Variants in INTS11 observed in about 807,000 individuals in gnomAD.
INTS11 encodes integrator complex subunit 11.
In INTS11, 77 loss-of-function variants were observed where a neutral mutation model predicts 78.6. The observed-to-expected ratio is 0.98, with a 90% CI of 0.81 to 1.18. The LOEUF (loss-of-function observed/expected upper bound fraction) is 1.18. INTS11 is among the 50% of genes most tolerant of loss of function. The pLI, the probability that INTS11 is intolerant of heterozygous loss-of-function variation, is 0.00. For synonymous variants in INTS11, 441 were observed against 326.9 expected (o/e 1.35, Z -3.77); for missense variants, 875 against 825.9 (o/e 1.06, Z -0.73).
At chr1:1,317,915 G>C (rs1424355069) in intron 4 of INTS11, 2 of 152,052 alleles carry the variant, frequency 1.3e-5, no homozygotes, top group Non-Finnish European at 2.9e-5. Context: ...TCCCAGGCTG[G>C]AGTGCAGTGG....
rs1642377466 is a variant in INTS11 at position 1,313,567 on chromosome 1, A to C, written c.983T>G (p.Leu328Arg). The change falls in exon 10 of 17, where the codon CTG becomes CGG. Residue 328 changes from leucine to arginine, a missense_variant. Coordinates refer to ENST00000435064, the MANE Select transcript of INTS11 (RefSeq NM_017871.6). ...PMVVFATPGM[L>R]HAGQSLQIFR... ...GATCTGCAGGGACTGCCCAGCGTGC[A>C]GCATTCCTGGCGTGGCAAACACAAC... 1 of 1,612,960 alleles carries C rather than the reference A, an allele frequency of 6.2e-7. No homozygotes were observed. Among genetic ancestry groups the C allele is most frequent in the Non-Finnish European group, 8.5e-7 (1 of 1,180,004 alleles).
In INTS11 at chr1:1,311,899, G is replaced by A; in HGVS notation, c.1763C>T (p.Thr588Ile). Residue 588 changes from threonine (T) to isoleucine (I), a missense_variant, in exon 17 of 17, where the codon ACA becomes ATA. Thr to Ile is a moderately conservative substitution (Grantham distance 89). Transcript: ENST00000435064. ...GGGGAGGCCCTTCTTCAGCAGAGAT[G>A]TGAGGAAGCTCCCCAGCTCCTCGTC... ...YQDEELGSFL[T>I]SLLKKGLPQA... The A allele has an allele frequency of 1.3e-6, 2 of 1,573,952 alleles. No individual in the cohort carries two copies. The highest frequency in any genetic ancestry group is 1.4e-5 in the African/African-American group (1 of 73,450).
At chr1:1,320,746 G>T in intron 2 of INTS11, 1 of 716,304 alleles carries the variant, frequency 1.4e-6, no homozygotes, top group Non-Finnish European at 2.5e-6. Flanking sequence ...TGAGCTGGAA[G>T]CTGAGCCCAG....
At chr1:1,322,137 GGGAA>G (rs1226907118) in intron 1 of INTS11, among the ~76,000 whole-genome samples, 1 of 152,078 alleles carries the variant, frequency 6.6e-6, no homozygotes, top group Admixed American at 6.5e-5. Flanking sequence ...TGGCACCTGT[GGGAA>G]GGGAGGGCCG....
chr1:1,324,550 C>T (rs760648469), intron 1 of INTS11, 31 bp downstream of exon 1: 8 of 1,587,852 alleles, frequency 5.0e-6, no homozygotes, highest in Middle Eastern at 1.7e-4. Context: ...ACGGAGCCCA[C>T]CCCACAGCCC....
At chr1:1,315,910 G>A (rs1642576464) in intron 4 of INTS11, among the ~76,000 whole-genome samples, 1 of 152,122 alleles carries the variant, frequency 6.6e-6, no homozygotes, top group East Asian at 1.9e-4. Context: ...ACAGCATCCA[G>A]TTCACAAGGG....
intron 5 of INTS11, 28 bp from the exon 6 acceptor site, chr1:1,315,466 G>A (rs775990856): frequency 5.6e-6 from 9 of 1,612,988 alleles, no homozygotes; most frequent in Admixed American, 1.7e-5. Flanking sequence ...ATGCCATGAG[G>A]AGGGTGCCTC....
chr1:1,312,874 C>A lies in INTS11; in HGVS notation c.1207G>T (p.Gly403Cys). The A allele has an allele frequency of 2.5e-6, 4 of 1,612,504 alleles. No individual in the cohort carries two copies. Among genetic ancestry groups the A allele is most frequent in the Non-Finnish European group, 3.4e-6 (4 of 1,179,898 alleles). Residue 403 changes from glycine (G) to cysteine (C), a missense_variant, in exon 12 of 17, where the codon GGC (glycine) becomes TGC (cysteine). Coordinates refer to ENST00000435064, the MANE Select transcript of INTS11 (RefSeq NM_017871.6). ...AGCACGCTCTCCGGCTCTGCCTGGC[C>A]CACCAGCTGCATGATGCCCTTGGCG... ...ADAKGIMQLV[G>C]QAEPESVLLV...
In INTS11 at chr1:1,315,433, A is replaced by G. The variant is rs1288983394; in HGVS notation, c.534T>C (p.Asp178=). 4 of 1,612,850 alleles carry G rather than the reference A, an allele frequency of 2.5e-6. No individual in the cohort carries two copies. Among genetic ancestry groups the G allele is most frequent in the African/African-American group, 2.7e-5 (2 of 74,700 alleles). The change falls in exon 6 of 17, where the codon GAT becomes GAC. Residue 178 remains aspartate (D), a synonymous_variant. Transcript: ENST00000435064. ...VGSESVVYTG[D]YNMTPDRHLG... ...AGTGTCGGTCTGGGGTCATGTTATA[A>G]TCACCCTGGTGAACGATCAAGGATG...
chr1:1,321,996 A>G (rs1443836123), intron 1 of INTS11: 2 of 1,343,196 alleles, frequency 1.5e-6, no homozygotes, highest in African/African-American at 3.1e-5. Flanking sequence ...TGCCACAGAG[A>G]GGGGATCTCA....
intron 9 of INTS11, 37 bp from the exon 10 acceptor site, chr1:1,313,629 A>G: frequency 6.2e-7 from 1 of 1,611,982 alleles, no homozygotes; most frequent in Non-Finnish European, 8.5e-7. Flanking sequence ...GGGTCAGGGC[A>G]GCAGATGCCC....
intron 6 of INTS11, 133 bp downstream of exon 6, chr1:1,315,271 G>GCATTT: frequency 8.9e-7 from 1 of 1,121,368 alleles, no homozygotes; most frequent in Non-Finnish European, 1.3e-6. Flanking sequence ...CAGAACGAAG[G>GCATTT]GGGCTCTCCA....
Position 1,314,767 on chromosome 1 carries a change from CAGAA to C in INTS11, c.702+53_702+56del. 1 of 1,568,358 alleles carries C rather than the reference CAGAA, an allele frequency of 6.4e-7. No individual in the cohort carries two copies. Among genetic ancestry groups the C allele is most frequent in the Non-Finnish European group, 8.7e-7 (1 of 1,150,580 alleles). On this transcript the variant is annotated intron_variant, in intron 7 of 16. Coordinates refer to ENST00000435064, the MANE Select transcript of INTS11 (RefSeq NM_017871.6). The surrounding 1 kb of genome is among the most constrained non-coding windows in gnomAD (Gnocchi z 4.2). ...CCATGCCAAGGGCAGCCAAGCCTGCCAGAAAGACCAGCCCAGCATGGCCGAGGGC... is the reference window on the plus strand; with the variant it reads ...CCATGCCAAGGGCAGCCAAGCCTGCCAGACCAGCCCAGCATGGCCGAGGGC...
chr1:1,314,208 T>A lies in INTS11; in HGVS notation c.767+93A>T. 1 of 1,223,060 alleles carries A rather than the reference T, an allele frequency of 8.2e-7. No homozygotes were observed. Among genetic ancestry groups the A allele is most frequent in the Non-Finnish European group, 1.2e-6 (1 of 848,978 alleles). The allele number at this position is 1,223,060 out of a possible 1,614,324, so 75.8% of individuals were successfully genotyped here. A position where few individuals can be genotyped will look rare whatever the true frequency, so the allele number is the denominator to read the frequency against. On this transcript the variant is annotated intron_variant, in intron 8 of 16. Coordinates refer to ENST00000435064, the MANE Select transcript of INTS11 (RefSeq NM_017871.6). The surrounding 1 kb of genome is among the most constrained non-coding windows in gnomAD (Gnocchi z 4.2). ...AGGACAGCAGCAAGCAGGGCCAAGA[T>A]GCCACCGCTACGCTGGACAGGGCTG...
Position 1,312,768 on chromosome 1 carries a change from C to T in INTS11, c.1294+19G>A, listed in dbSNP as rs754007346. Reference sequence around the variant, plus strand: ...TGCTGACCCGAGGTGGGCCCCACGCCGCCCGCCCGGCTGCCTACGGAGCTC... The same window carrying T: ...TGCTGACCCGAGGTGGGCCCCACGCTGCCCGCCCGGCTGCCTACGGAGCTC... On this transcript the variant is annotated intron_variant, in intron 12 of 16. Transcript: ENST00000435064. 3.1e-6 allele frequency: 5 copies of T among 1,601,008 alleles called. No individual in the cohort carries two copies. Among genetic ancestry groups the T allele is most frequent in the East Asian group, 4.5e-5 (2 of 44,610 alleles).
Position 1,311,738 on chromosome 1 carries a change from T to C in INTS11, c.*121A>G. 9.6e-7 allele frequency: 1 copy of C among 1,038,774 alleles called. No homozygotes were observed. The highest frequency in any genetic ancestry group is 1.4e-6 in the Non-Finnish European group (1 of 696,420). 64.3% of individuals were successfully genotyped at this position (1,038,774 alleles called of 1,614,324 possible). On this transcript the variant is annotated 3_prime_UTR_variant, in exon 17 of 17. Transcript: ENST00000435064. Reference sequence around the variant, plus strand: ...GGGCAGGCAGGTGACACAAGGCCTCTGTCCCCAGGGATGGGACCTGCAGGG... The same window carrying C: ...GGGCAGGCAGGTGACACAAGGCCTCCGTCCCCAGGGATGGGACCTGCAGGG...
At chr1:1,316,835 A>AGCACTCTGGGAGACCAAGGCGGGTGGATC (rs1287818426) in intron 4 of INTS11, 3 of 149,620 alleles carry the variant, frequency 2.0e-5, no homozygotes, top group Non-Finnish European at 4.5e-5. Flanking sequence ...GAGGCAGGAG[A>AGCACTCTGGGAGACCAAGGCGGGTGGATC]ACTGCTTGAA....
rs138107513 is a variant in INTS11, at chr1:1,312,911, G to A, written c.1170C>T (p.Ser390=). The change falls in exon 12 of 17, where the codon AGC becomes AGT. Residue 390 remains serine (S), a synonymous_variant. Transcript: ENST00000435064. Reference sequence around the variant, plus strand: ...TGATGCCCTTGGCGTCCGCGTGTGCGCTGAATGACATGTACTCCACCTGCA... The same window carrying A: ...TGATGCCCTTGGCGTCCGCGTGTGCACTGAATGACATGTACTCCACCTGCA... ...VKMQVEYMSF[S]AHADAKGIMQ... is the part of the protein sequence containing the mutation. 1,720 of 1,612,414 alleles carry A rather than the reference G, an allele frequency of 1.1e-3. No homozygotes were observed. The highest frequency in any genetic ancestry group is 7.6e-3 in the Middle Eastern group (46 of 6,058).
In INTS11 at chr1:1,319,407, G is replaced by A. The variant is rs1407119850; in HGVS notation, c.318C>T (p.Asp106=). ...TCTTGTCTACGGCGATCTTGCGGTA[G>A]TCCTCCAGCAAGATGGGGCAGATGG... ...TQAICPILLE[D]YRKIAVDKKG... The change falls in exon 4 of 17, where the codon GAC becomes GAT. Residue 106 remains aspartate, a synonymous_variant. Coordinates refer to ENST00000435064, the MANE Select transcript of INTS11 (RefSeq NM_017871.6). 1 of 1,613,380 alleles carries A rather than the reference G, an allele frequency of 6.2e-7. No homozygotes were observed. Among genetic ancestry groups the A allele is most frequent in the East Asian group, 2.2e-5 (1 of 44,884 alleles).
Sources: gnomAD v4.1 joint callset for allele counts (sites outside exome capture counted in the v4.1 genomes callset) on GRCh38, gnomAD v4.1.1 for gene constraint, Gnocchi (gnomAD v3.1) non-coding constraint, MANE v1.5 for transcripts, NCBI Gene and HGNC (gene_info 2026-07-23, HGNC 2026-07-21) for gene names.